The following SLC12A7 variants were observed in gnomAD, a reference collection of about 807,000 sequenced individuals.
SLC12A7 encodes the protein K-Cl cotransporter 4.
In SLC12A7, 100 loss-of-function variants were observed where a neutral mutation model predicts 120.6. The observed-to-expected ratio is 0.83, with a 90% CI of 0.71 to 0.98. The LOEUF is 0.98. Ranked by LOEUF, SLC12A7 falls within the 50% of genes least tolerant of loss-of-function variation. The probability of loss-of-function intolerance (pLI) is 0.00; values close to 1 mark genes in which losing one functional copy is unlikely to be tolerated. For missense variants in SLC12A7, 1,373 were observed against 1,548.1 expected, an observed-to-expected ratio of 0.89 and a Z score of 1.90; for synonymous variants, 760 against 678.0, an observed-to-expected ratio of 1.12 and a Z score of -1.88.
the SLC12A7 span, among the ~76,000 whole-genome samples, chr5:1,131,390 C>T: frequency 4.6e-5 from 7 of 152,298 alleles, no homozygotes; most frequent in East Asian, 3.9e-4. Context: ...GGGAGGGAGC[C>T]GGTATTGGTG....
the SLC12A7 span, among the ~76,000 whole-genome samples, chr5:1,127,256 A>G: frequency 2.6e-5 from 4 of 152,238 alleles, no homozygotes; most frequent in South Asian, 2.1e-4. Context: ...TTCGTGATCC[A>G]CCTGCCTTGG....
chr5:1,056,045 G>A (rs1314776955), intron 22 of SLC12A7, among the ~76,000 whole-genome samples: 2 of 152,114 alleles, frequency 1.3e-5, no homozygotes, highest in African/African-American at 2.4e-5. Context: ...AGGACTCCCA[G>A]GGAGCACCCT....
At chr5:1,078,589 T>A in intron 11 of SLC12A7, 112 bp downstream of exon 11, 3 of 865,408 alleles carry the variant, frequency 3.5e-6, no homozygotes, top group Non-Finnish European at 5.7e-6. Context: ...CGCCTTCAGC[T>A]CTGCACGCGG....
chr5:1,155,556 G>A, the SLC12A7 span, among the ~76,000 whole-genome samples: 3 of 151,442 alleles, frequency 2.0e-5, no homozygotes, highest in Admixed American at 6.6e-5. Flanking sequence ...GCTGGGCTGG[G>A]GGGACCCCAG....
At chr5:1,131,698 A>G in the SLC12A7 span, among the ~76,000 whole-genome samples, 8 of 152,214 alleles carry the variant, frequency 5.3e-5, no homozygotes, top group African/African-American at 9.7e-5. Context: ...AGTCAGGCCA[A>G]TCCCCAGAGC....
chr5:1,111,241 C>A (rs1259539806), intron 1 of SLC12A7, among the ~76,000 whole-genome samples: 1 of 152,156 alleles, frequency 6.6e-6, no homozygotes, highest in Non-Finnish European at 1.5e-5. Flanking sequence ...CCCGTCCCCA[C>A]CCCCTAGAGA....
intron 17 of SLC12A7, among the ~76,000 whole-genome samples, chr5:1,066,804 C>T (rs2150808460): frequency 6.6e-6 from 1 of 152,250 alleles, no homozygotes; most frequent in Non-Finnish European, 1.5e-5. Context: ...CAGGAGGATC[C>T]TCCCGGGAGA....
chr5:1,115,328 G>A (rs936242409), upstream of SLC12A7, among the ~76,000 whole-genome samples: 23 of 152,208 alleles, frequency 1.5e-4, no homozygotes, highest in African/African-American at 3.6e-4. Flanking sequence ...GGATTAGGAC[G>A]GACACCCAAT....
chr5:1,085,610 C>T (rs1052057568), intron 6 of SLC12A7, 137 bp from the exon 7 acceptor site: 31 of 1,275,772 alleles, frequency 2.4e-5, no homozygotes, highest in South Asian at 3.0e-5. Flanking sequence ...CCGTGCTGGA[C>T]GGAGCCCGCG....
chr5:1,152,195 C>T, the SLC12A7 span, among the ~76,000 whole-genome samples: 1 of 152,192 alleles, frequency 6.6e-6, no homozygotes. Context: ...GACTAGGAGG[C>T]TGTGCGATCG....
At chr5:1,151,258 G>A in the SLC12A7 span, among the ~76,000 whole-genome samples, 5 of 152,202 alleles carry the variant, frequency 3.3e-5, no homozygotes, top group East Asian at 1.9e-4. This position sits in a 1 kb window ranked among gnomAD's most constrained non-coding sequence, Gnocchi z 6.2. Flanking sequence ...CTCCTTAAGC[G>A]GCAAAAACCC....
chr5:1,085,095 G>T (rs1739668276), intron 7 of SLC12A7, 137 bp downstream of exon 7: 5 of 1,252,134 alleles, frequency 4.0e-6, no homozygotes, highest in Non-Finnish European at 5.4e-6. Context: ...GCCCACGGGG[G>T]TTCCCGCCAC....
chr5:1,055,378 C>G (rs1334522757), intron 22 of SLC12A7, among the ~76,000 whole-genome samples: 2 of 152,154 alleles, frequency 1.3e-5, no homozygotes, highest in East Asian at 3.8e-4. Context: ...TACATGCGAG[C>G]ACGCACACAA....
At chr5:1,064,035 C>CGT (rs757205489) in intron 19 of SLC12A7, 48 bp downstream of exon 19, 2 of 1,601,378 alleles carry the variant, frequency 1.2e-6, no homozygotes, top group South Asian at 2.2e-5. Flanking sequence ...GCCCGCAGCA[C>CGT]GTGGGGTGGC....
chr5:1,057,814 C>T (rs1183284939), intron 21 of SLC12A7, among the ~76,000 whole-genome samples, 165 bp from the exon 22 acceptor site: 2 of 152,162 alleles, frequency 1.3e-5, no homozygotes, highest in African/African-American at 4.8e-5. Flanking sequence ...CTGCGCCGCC[C>T]CCGTGACTGC....
At chr5:1,099,917 G>A (rs1741842382) in intron 1 of SLC12A7, among the ~76,000 whole-genome samples, 1 of 152,216 alleles carries the variant, frequency 6.6e-6, no homozygotes, top group Admixed American at 6.5e-5. Context: ...GGGTCCCCCA[G>A]GCCTGGCCCG....
the SLC12A7 span, among the ~76,000 whole-genome samples, chr5:1,121,073 C>T: frequency 6.6e-6 from 1 of 152,226 alleles, no homozygotes; most frequent in South Asian, 2.1e-4. Flanking sequence ...GACACTGAGT[C>T]CACCCAACCC....
intron 17 of SLC12A7, among the ~76,000 whole-genome samples, chr5:1,065,766 G>A (rs1736986998): frequency 6.6e-6 from 1 of 152,240 alleles, no homozygotes; most frequent in South Asian, 2.1e-4. Flanking sequence ...GTTCTCTGAG[G>A]CGATCCACAA....
At chr5:1,077,160 C>T (rs1160381695) in intron 12 of SLC12A7, among the ~76,000 whole-genome samples, 1 of 152,166 alleles carries the variant, frequency 6.6e-6, no homozygotes, top group East Asian at 1.9e-4. Flanking sequence ...TCAGGCCACC[C>T]TCACCTCCCA....
Sources: allele counts gnomAD v4.1 joint callset (sites outside exome capture counted in the v4.1 genomes callset), GRCh38; gene constraint gnomAD v4.1.1; non-coding constraint Gnocchi (gnomAD v3.1); transcripts MANE v1.5; gene names NCBI Gene and HGNC (gene_info 2026-07-23, HGNC 2026-07-21).